Variants in TNFRSF10B observed in about 807,000 individuals in gnomAD.
TNFRSF10B encodes TNF receptor superfamily member 10b.
TNFRSF10B carries 35 observed loss-of-function variants against 41.4 expected under a neutral mutation model. The ratio of observed to expected loss-of-function variants is 0.85; its 90% CI spans 0.65 to 1.12. The LOEUF is 1.12. TNFRSF10B is among the 50% of genes most tolerant of loss of function. The probability of loss-of-function intolerance (pLI) is 0.00; values close to 1 mark genes in which losing one functional copy is unlikely to be tolerated. For missense variants in TNFRSF10B, 584 were observed against 552.7 expected (o/e 1.06, Z -0.57); for synonymous variants, 230 against 215.5 (o/e 1.07, Z -0.59).
At chr8:23,027,923 G>C in intron 5 of TNFRSF10B, 170 bp from the exon 6 acceptor site, 1 of 720,404 alleles carries the variant, frequency 1.4e-6, no homozygotes. Flanking sequence ...GAGGAAGGGG[G>C]ATGAGAAGGG....
chr8:23,028,471 C>G lies in TNFRSF10B; in HGVS notation c.608G>C (p.Gly203Ala). ...AVEETVTSSP[G>A]TPASPCSLSG... Reference sequence around the variant, plus strand: ...GAGAGAACAGGGAGAGGCAGGAGTCCCTGGGCTGGAGGTCACCGTCTCCTC... The same window carrying G: ...GAGAGAACAGGGAGAGGCAGGAGTCGCTGGGCTGGAGGTCACCGTCTCCTC... Residue 203 changes from glycine (G) to alanine (A), a missense_variant, in exon 5 of 9, where the codon GGG becomes GCG. By Grantham distance (60) the Gly-to-Ala change is moderately conservative. Transcript: ENST00000276431. 1 of 1,614,094 alleles carries G rather than the reference C, an allele frequency of 6.2e-7. No individual in the cohort carries two copies. The highest frequency in any genetic ancestry group is 8.5e-7 in the Non-Finnish European group (1 of 1,179,978).
intron 1 of TNFRSF10B, among the ~76,000 whole-genome samples, chr8:23,066,231 TCTGA>T (rs1162423910): frequency 1.3e-5 from 2 of 152,124 alleles, no homozygotes; most frequent in Non-Finnish European, 2.9e-5. Context: ...TGCAGTGAAC[TCTGA>T]CTGTGCCACT....
At chr8:23,048,473 C>T (rs1475192980) in intron 1 of TNFRSF10B, among the ~76,000 whole-genome samples, 1 of 146,688 alleles carries the variant, frequency 6.8e-6, no homozygotes, top group African/African-American at 2.5e-5. Flanking sequence ...AACTCAGAAG[C>T]AGAGAATAGA....
chr8:23,046,412 T>C (rs1417920900), intron 1 of TNFRSF10B, among the ~76,000 whole-genome samples: 1 of 151,730 alleles, frequency 6.6e-6, no homozygotes, highest in African/African-American at 2.4e-5. Flanking sequence ...CGTAAAACAC[T>C]AATGAACAAA....
intron 1 of TNFRSF10B, among the ~76,000 whole-genome samples, chr8:23,057,512 A>C (rs531649346): frequency 1.4e-4 from 21 of 148,748 alleles, no homozygotes; most frequent in African/African-American, 5.0e-4. Flanking sequence ...GGCTCACTGC[A>C]ACCTCCGCCT....
chr8:23,031,236 TG>T (rs1319431578), intron 2 of TNFRSF10B, among the ~76,000 whole-genome samples: 1 of 151,622 alleles, frequency 6.6e-6, no homozygotes, highest in Non-Finnish European at 1.5e-5. Flanking sequence ...CTACCACACC[TG>T]GCTAATTTTT....
chr8:23,023,353 C>A (rs542609469), intron 8 of TNFRSF10B, among the ~76,000 whole-genome samples: 1 of 152,164 alleles, frequency 6.6e-6, no homozygotes, highest in Non-Finnish European at 1.5e-5. Flanking sequence ...GCCTGGGCTG[C>A]GCTTGTCATG....
intron 1 of TNFRSF10B, among the ~76,000 whole-genome samples, chr8:23,048,771 AATAC>A (rs1478881993): frequency 4.6e-5 from 7 of 152,124 alleles, no homozygotes; most frequent in African/African-American, 7.2e-5. Flanking sequence ...AATCCCCATA[AATAC>A]ATACAATTTA....
intron 3 of TNFRSF10B, 44 bp from the exon 4 acceptor site, chr8:23,029,765 T>C: frequency 6.3e-7 from 1 of 1,578,028 alleles, no homozygotes; most frequent in Non-Finnish European, 8.6e-7. Context: ...TTTCCTGATG[T>C]GTCCCTTGAC....
Position 23,022,519 on chromosome 8 carries a change from T to A in TNFRSF10B, c.*152A>T. 1.3e-6 allele frequency: 1 copy of A among 796,630 alleles called. No homozygotes were observed. The highest frequency in any genetic ancestry group is 2.1e-6 in the Non-Finnish European group (1 of 469,122). 49.3% of individuals were successfully genotyped at this position (796,630 alleles called of 1,614,324 possible). A position where few individuals can be genotyped will look rare whatever the true frequency, so the allele number is the denominator to read the frequency against. On this transcript the variant is annotated 3_prime_UTR_variant, in exon 9 of 9. Transcript: ENST00000276431. ...AAGTGCAGTGAAAAGTTACAGGATG[T>A]TCCATCCACTGGGTGATGTTGGATG...
intron 2 of TNFRSF10B, among the ~76,000 whole-genome samples, chr8:23,040,080 C>T (rs1000384019): frequency 6.6e-6 from 1 of 151,622 alleles, no homozygotes; most frequent in East Asian, 1.9e-4. Flanking sequence ...ACTCAGGAGG[C>T]TGAGGCAGGA....
rs148653452 is a variant in TNFRSF10B at position 23,022,756 on chromosome 8, A to T, written c.1238T>A (p.Leu413His). 4.2e-5 allele frequency: 68 copies of T among 1,613,970 alleles called. 2 individuals carry two copies. In the African/African-American group the frequency reaches 6.1e-4, roughly 15 times the overall value. Reference sequence around the variant, plus strand: ...GTGGTCCTCAATCTTCTGCTTGGCAAGTCTCTCTCCCAGCGTCTCCAAGGC... The same window carrying T: ...GTGGTCCTCAATCTTCTGCTTGGCATGTCTCTCTCCCAGCGTCTCCAAGGC... Reference protein sequence around the residue: ...LDALETLGERLAKQKIEDHLL... With the variant: ...LDALETLGERHAKQKIEDHLL... Residue 413 changes from leucine (L) to histidine (H), a missense_variant, in exon 9 of 9, where the codon CTT (leucine) becomes CAT (histidine). Physicochemically the swap from Leu to His is moderately conservative, Grantham distance 99 (BLOSUM62 -3). Coordinates refer to ENST00000276431, the MANE Select transcript of TNFRSF10B (RefSeq NM_003842.5).
At chr8:23,044,234 A>T (rs181927713) in intron 1 of TNFRSF10B, among the ~76,000 whole-genome samples, 102 of 152,330 alleles carry the variant, frequency 6.7e-4, no homozygotes, top group African/African-American at 2.3e-3. Context: ...AAAACATAGG[A>T]ACTATTCTTC....
In TNFRSF10B at chr8:23,053,245, G is replaced by A. The variant is rs540154760; in HGVS notation, c.145-10002C>T. Among the ~76,000 whole-genome samples the A allele has an allele frequency of 7.7e-4, 118 of 152,272 alleles. 1 individual carries two copies. Among genetic ancestry groups the A allele is most frequent in the Non-Finnish European group, 1.4e-3 (92 of 68,028 alleles). On this transcript the variant is annotated intron_variant, in intron 1 of 8. Transcript: ENST00000276431. ...CCTTACCTGCATTTCTGTCTAGGTC[G>A]TAGGCTCCATACCTAGTATATAATT...
Position 23,022,867 on chromosome 8 carries a change from G to A in TNFRSF10B, c.1127C>T (p.Ala376Val), listed in dbSNP as rs61756237. Residue 376 changes from alanine to valine, a missense_variant, in exon 9 of 9, where the codon GCG (alanine) becomes GTG (valine). By Grantham distance (64) the Ala-to-Val change is moderately conservative. Coordinates refer to ENST00000276431, the MANE Select transcript of TNFRSF10B (RefSeq NM_003842.5). ...CGTGTACAAGGTGTCCCTGTGGCCC[G>A]CTGCCTCAGCTTTAGCCACCTTTAT... ...NEIKVAKAEA[A>V]GHRDTLYTML... 2.1e-4 allele frequency: 341 copies of A among 1,613,922 alleles called. No individual in the cohort carries two copies. Among genetic ancestry groups the A allele is most frequent in the Non-Finnish European group, 2.8e-4 (325 of 1,180,016 alleles).
chr8:23,042,724 C>T (rs1206907395), intron 2 of TNFRSF10B, among the ~76,000 whole-genome samples: 3 of 152,192 alleles, frequency 2.0e-5, no homozygotes, highest in East Asian at 3.8e-4. Flanking sequence ...CTTCCTAACC[C>T]TCCACTCCCC....
chr8:23,059,383 C>A (rs1280476845), intron 1 of TNFRSF10B, among the ~76,000 whole-genome samples: 2 of 152,218 alleles, frequency 1.3e-5, no homozygotes, highest in African/African-American at 4.8e-5. Flanking sequence ...TCTGCTAATC[C>A]TGTTTTTACT....
At position 23,022,282 on chromosome 8, in the gene TNFRSF10B, T is replaced by C. The variant is rs1811554226; in HGVS notation, c.*389A>G. On this transcript the variant is annotated 3_prime_UTR_variant, in exon 9 of 9. Coordinates refer to ENST00000276431, the MANE Select transcript of TNFRSF10B (RefSeq NM_003842.5). ...GCACCCCCCACCCAAAAAAGGTTCA[T>C]ATCATATAGTATCAAGTGAAGTCGG... The C allele has an allele frequency of 2.2e-6, 1 of 455,402 alleles. No individual in the cohort carries two copies. The highest frequency in any genetic ancestry group is 4.4e-6 in the Non-Finnish European group (1 of 227,834). 28.2% of individuals were successfully genotyped at this position (455,402 alleles called of 1,614,324 possible). A position where few individuals can be genotyped will look rare whatever the true frequency, so the allele number is the denominator to read the frequency against.
rs994882899 is a variant in TNFRSF10B, at chr8:23,028,274, G to A, written c.748+57C>T. On this transcript the variant is annotated intron_variant, in intron 5 of 8. Transcript: ENST00000276431. ...CAGGCGTTTCTGTCTGTGGGAATAG[G>A]GTGGGAGGGGGCAGGGCAGAGAGTG... is the stretch of plus-strand genomic sequence containing the variant. 9 of 1,610,652 alleles carry A rather than the reference G, an allele frequency of 5.6e-6. No individual in the cohort carries two copies. In the African/African-American group the frequency reaches 1.2e-4, roughly 22 times the overall value.
Sources: gnomAD v4.1 joint callset for allele counts (sites outside exome capture counted in the v4.1 genomes callset) on GRCh38, gnomAD v4.1.1 for gene constraint, MANE v1.5 for transcripts, NCBI Gene and HGNC (gene_info 2026-07-23, HGNC 2026-07-21) for gene names.